The following ARK2N variants were observed in gnomAD, a reference collection of about 807,000 sequenced individuals.
The protein encoded by ARK2N is arkadia (RNF111) N-terminal like PKA signaling regulator 2N.
chr18:46,193,583 C>G, the ARK2N span, among the ~76,000 whole-genome samples: 1 of 142,780 alleles, frequency 7.0e-6, no homozygotes, highest in East Asian at 2.1e-4. Flanking sequence ...GCCACTGCGC[C>G]CAGCCGGGTT....
At chr18:46,240,833 A>C in the ARK2N span, among the ~76,000 whole-genome samples, 1 of 152,222 alleles carries the variant, frequency 6.6e-6, no homozygotes, top group Non-Finnish European at 1.5e-5. Flanking sequence ...AAAAACTTTC[A>C]CAATACCTCC....
the ARK2N span, among the ~76,000 whole-genome samples, chr18:46,179,388 G>A: frequency 6.6e-6 from 1 of 152,180 alleles, no homozygotes; most frequent in East Asian, 1.9e-4. Context: ...CTGTTGTCAT[G>A]ATACTCTTCT....
At chr18:46,219,324 C>G in the ARK2N span, 1 of 151,946 alleles carries the variant, frequency 6.6e-6, no homozygotes, top group South Asian at 2.1e-4. Context: ...GGTATCATAT[C>G]AAAATAATGC....
At chr18:46,250,775 T>C in the ARK2N span, among the ~76,000 whole-genome samples, 1 of 152,184 alleles carries the variant, frequency 6.6e-6, no homozygotes, top group African/African-American at 2.4e-5. Flanking sequence ...TCTGACCTGC[T>C]GACTTTGGTA....
chr18:46,254,477 T>C, the ARK2N span, among the ~76,000 whole-genome samples: 4 of 152,254 alleles, frequency 2.6e-5, no homozygotes, highest in Non-Finnish European at 5.9e-5. Context: ...AGGCCAATTC[T>C]GGCCTGCTGC....
the ARK2N span, chr18:46,173,589 A>C: frequency 6.6e-6 from 1 of 152,242 alleles, no homozygotes; most frequent in Non-Finnish European, 1.5e-5. Context: ...AGCTCAGCCG[A>C]GTCTCCCCGA....
chr18:46,173,925 C>A, the ARK2N span: 2 of 152,266 alleles, frequency 1.3e-5, no homozygotes, highest in East Asian at 3.9e-4. Context: ...TTCCATCGCG[C>A]CAGATGGCGC....
the ARK2N span, among the ~76,000 whole-genome samples, chr18:46,227,846 C>T: frequency 6.6e-6 from 1 of 152,156 alleles, no homozygotes; most frequent in Non-Finnish European, 1.5e-5. Context: ...GATCTGCCTG[C>T]CTCAGCCTCC....
chr18:46,193,156 G>T, the ARK2N span, among the ~76,000 whole-genome samples: 1 of 152,042 alleles, frequency 6.6e-6, no homozygotes, highest in African/African-American at 2.4e-5. Flanking sequence ...AACAGAGTGA[G>T]ACTCTGTCTC....
the ARK2N span, among the ~76,000 whole-genome samples, chr18:46,259,568 C>T: frequency 6.6e-6 from 1 of 151,836 alleles, no homozygotes; most frequent in Non-Finnish European, 1.5e-5. Flanking sequence ...TAATTACAAC[C>T]TCCCCCTTTT....
the ARK2N span, among the ~76,000 whole-genome samples, chr18:46,242,974 A>G: frequency 6.6e-6 from 1 of 152,204 alleles, no homozygotes; most frequent in East Asian, 1.9e-4. Flanking sequence ...GCATTTGTGC[A>G]TATTGGACTA....
chr18:46,232,162 A>G, the ARK2N span: 1 of 152,338 alleles, frequency 6.6e-6, no homozygotes, highest in Non-Finnish European at 1.5e-5. Flanking sequence ...TATTACTGGT[A>G]ATTTTTATTT....
the ARK2N span, among the ~76,000 whole-genome samples, chr18:46,259,900 C>G: frequency 5.9e-5 from 6 of 101,016 alleles, 1 homozygote; most frequent in Non-Finnish European, 8.5e-5. Flanking sequence ...TGTGTGTGTG[C>G]GACAGAGATG....
At chr18:46,229,823 T>C in the ARK2N span, among the ~76,000 whole-genome samples, 1 of 152,074 alleles carries the variant, frequency 6.6e-6, no homozygotes, top group African/African-American at 2.4e-5. Flanking sequence ...AGGCTGGTCT[T>C]AAACTCCTAA....
the ARK2N span, chr18:46,215,705 G>T: frequency 4.7e-5 from 26 of 549,876 alleles, no homozygotes; most frequent in Non-Finnish European, 6.8e-5. Context: ...TATTTTAAAG[G>T]CCTGTGTAAT....
chr18:46,211,885 T>C, the ARK2N span, among the ~76,000 whole-genome samples: 1 of 152,236 alleles, frequency 6.6e-6, no homozygotes, highest in Non-Finnish European at 1.5e-5. Context: ...TTGACAATTA[T>C]ATCATTTTAT....
chr18:46,251,285 C>T, the ARK2N span, among the ~76,000 whole-genome samples: 1 of 152,122 alleles, frequency 6.6e-6, no homozygotes, highest in Admixed American at 6.5e-5. Flanking sequence ...GAAGACTTGG[C>T]CACAAGCAAG....
chr18:46,266,217 T>C, the ARK2N span: 1 of 152,502 alleles, frequency 6.6e-6, no homozygotes, highest in Non-Finnish European at 1.5e-5. Context: ...ATTAGCACCA[T>C]AACTAACTTA....
the ARK2N span, among the ~76,000 whole-genome samples, chr18:46,255,404 CT>C: frequency 3.6e-5 from 5 of 138,962 alleles, no homozygotes; most frequent in East Asian, 1.1e-3. Context: ...TTTTCTTTTT[CT>C]TTTTCTTTTC....
Sources: allele counts gnomAD v4.1 joint callset (sites outside exome capture counted in the v4.1 genomes callset), GRCh38; gene constraint gnomAD v4.1.1; transcripts MANE v1.5; gene names NCBI Gene and HGNC (gene_info 2026-07-23, HGNC 2026-07-21).